Variants in PPP1R21 observed in about 807,000 individuals in gnomAD.
The protein encoded by PPP1R21 is KLRAQ motif containing 1.
In PPP1R21, 85 loss-of-function variants were observed where a neutral mutation model predicts 112.8. The observed-to-expected ratio is 0.75, with a 90% CI of 0.63 to 0.90. The LOEUF is 0.90. PPP1R21 is among the 40% of genes least tolerant of loss of function. PPP1R21 has a pLI of 0.00. For missense variants in PPP1R21, 1,199 were observed against 901.5 expected, an observed-to-expected ratio of 1.33 and a Z score of -4.23; for synonymous variants, 381 against 322.3, an observed-to-expected ratio of 1.18 and a Z score of -1.95.
At chr2:48,442,080 C>G (rs1179871143) in intron 1 of PPP1R21, among the ~76,000 whole-genome samples, 5 of 152,154 alleles carry the variant, frequency 3.3e-5, no homozygotes, top group African/African-American at 1.2e-4. Flanking sequence ...AGCAAAACTT[C>G]GTTGCATTTC....
chr2:48,471,980 C>G (rs1668529886), intron 11 of PPP1R21, among the ~76,000 whole-genome samples: 2 of 152,104 alleles, frequency 1.3e-5, no homozygotes, highest in African/African-American at 4.8e-5. Flanking sequence ...TGGCTCACGC[C>G]TGTAATCCCA....
chr2:48,458,196 A>G lies in PPP1R21; in HGVS notation c.344A>G (p.Lys115Arg). 1 of 1,611,900 alleles carries G rather than the reference A, an allele frequency of 6.2e-7. No homozygotes were observed. The highest frequency in any genetic ancestry group is 1.1e-5 in the South Asian group (1 of 90,988). The change falls in exon 4 of 22, where the codon AAG (lysine) becomes AGG (arginine). Residue 115 changes from lysine to arginine, a missense_variant. Lys to Arg is a conservative substitution (Grantham distance 26, BLOSUM62 2). Coordinates refer to ENST00000294952, the MANE Select transcript of PPP1R21 (RefSeq NM_001135629.3). ...KSVFDEDLQK[K>R]IEENERLHIQ... Reference sequence around the variant, plus strand: ...GTCTTTGATGAAGATCTGCAAAAGAAGATAGAAGAGAATGAACGGTTGCAT... The same window carrying G: ...GTCTTTGATGAAGATCTGCAAAAGAGGATAGAAGAGAATGAACGGTTGCAT...
chr2:48,503,937 G>A (rs1037532240), intron 17 of PPP1R21, among the ~76,000 whole-genome samples: 4 of 144,066 alleles, frequency 2.8e-5, no homozygotes, highest in Non-Finnish European at 6.0e-5. Flanking sequence ...TGGGCAAAAG[G>A]GCGAGACTAT....
chr2:48,489,597 C>T (rs1337777313), intron 14 of PPP1R21, among the ~76,000 whole-genome samples: 3 of 151,908 alleles, frequency 2.0e-5, no homozygotes, highest in Admixed American at 6.5e-5. Flanking sequence ...GCCTCAGCCT[C>T]TCAAAGTGTT....
intron 1 of PPP1R21, among the ~76,000 whole-genome samples, chr2:48,448,381 T>C (rs145085336): frequency 7.2e-4 from 109 of 152,374 alleles, no homozygotes; most frequent in African/African-American, 2.5e-3. Flanking sequence ...TTGCTTTAAA[T>C]AGTCTGCAGT....
intron 12 of PPP1R21, among the ~76,000 whole-genome samples, chr2:48,477,813 A>G (rs1320498742): frequency 2.0e-5 from 3 of 151,966 alleles, no homozygotes; most frequent in African/African-American, 2.4e-5. Context: ...ATCATTTTGG[A>G]GAGGGTTGTG....
At chr2:48,490,020 G>A (rs1028628424) in intron 14 of PPP1R21, among the ~76,000 whole-genome samples, 1 of 151,990 alleles carries the variant, frequency 6.6e-6, no homozygotes, top group Non-Finnish European at 1.5e-5. Flanking sequence ...CCTCCAGCCT[G>A]GGTGACAGAG....
At chr2:48,466,700 G>A (rs1668220296) in intron 9 of PPP1R21, among the ~76,000 whole-genome samples, 1 of 152,074 alleles carries the variant, frequency 6.6e-6, no homozygotes. Flanking sequence ...GGAGAGAAGT[G>A]GGATACACTT....
At chr2:48,502,395 A>C (rs1670157567) in intron 17 of PPP1R21, among the ~76,000 whole-genome samples, 1 of 152,166 alleles carries the variant, frequency 6.6e-6, no homozygotes, top group South Asian at 2.1e-4. Flanking sequence ...AGTGCACAAT[A>C]GAAATAAAAA....
intron 11 of PPP1R21, among the ~76,000 whole-genome samples, chr2:48,472,318 A>C (rs1199939185): frequency 1.3e-5 from 2 of 151,668 alleles, no homozygotes; most frequent in Admixed American, 1.3e-4. Flanking sequence ...TTTACAGTAA[A>C]ATAAAATTTA....
At chr2:48,449,649 T>G (rs1667391811) in intron 1 of PPP1R21, among the ~76,000 whole-genome samples, 1 of 152,328 alleles carries the variant, frequency 6.6e-6, no homozygotes, top group African/African-American at 2.4e-5. Flanking sequence ...AATATGCTTG[T>G]TCTTTTGGCA....
chr2:48,493,449 C>A (rs1336470079), intron 15 of PPP1R21, among the ~76,000 whole-genome samples: 1 of 152,128 alleles, frequency 6.6e-6, no homozygotes, highest in East Asian at 1.9e-4. Context: ...ATTTTTGTAT[C>A]ATCAAATAGG....
At chr2:48,500,899 ACT>A (rs1462294912) in intron 17 of PPP1R21, among the ~76,000 whole-genome samples, 1 of 151,366 alleles carries the variant, frequency 6.6e-6, no homozygotes, top group Non-Finnish European at 1.5e-5. Context: ...ACAGAGCCAG[ACT>A]CTGTCTCTAC....
chr2:48,465,711 C>T (rs550349769), intron 9 of PPP1R21, 69 bp downstream of exon 9: 32 of 1,415,162 alleles, frequency 2.3e-5, no homozygotes, highest in Admixed American at 5.8e-5. Flanking sequence ...GTTTTTAGAC[C>T]TCTTCTGTGC....
At chr2:48,464,663 A>G (rs1572846328) in intron 7 of PPP1R21, among the ~76,000 whole-genome samples, 1 of 152,338 alleles carries the variant, frequency 6.6e-6, no homozygotes, top group East Asian at 1.9e-4. Context: ...TAGTCCTGAT[A>G]AGCCTGAAAG....
intron 18 of PPP1R21, 182 bp from the exon 19 acceptor site, chr2:48,507,087 G>T (rs1443381910): frequency 2.5e-6 from 2 of 798,886 alleles, no homozygotes; most frequent in African/African-American, 1.8e-5. Context: ...CTAAATAAAA[G>T]AAATTTGGAA....
At chr2:48,445,034 G>A (rs1667188674) in intron 1 of PPP1R21, among the ~76,000 whole-genome samples, 1 of 150,748 alleles carries the variant, frequency 6.6e-6, no homozygotes, top group Admixed American at 6.6e-5. Flanking sequence ...GATCCAGCAT[G>A]TTTGCTCTCC....
At chr2:48,478,593 C>T (rs1668863154) in intron 12 of PPP1R21, among the ~76,000 whole-genome samples, 1 of 152,146 alleles carries the variant, frequency 6.6e-6, no homozygotes, top group East Asian at 1.9e-4. Flanking sequence ...TTCAGAGAAT[C>T]AATTCAGTTT....
chr2:48,451,285 A>T (rs974879046), intron 2 of PPP1R21, among the ~76,000 whole-genome samples: 2 of 152,228 alleles, frequency 1.3e-5, no homozygotes, highest in Non-Finnish European at 2.9e-5. Context: ...AAAATTATAA[A>T]AAAAGGTATT....
Sources: allele counts gnomAD v4.1 joint callset (sites outside exome capture counted in the v4.1 genomes callset), GRCh38; gene constraint gnomAD v4.1.1; transcripts MANE v1.5; gene names NCBI Gene and HGNC (gene_info 2026-07-23, HGNC 2026-07-21).